Variants in CLASP2 observed in about 807,000 individuals in gnomAD.
The protein encoded by CLASP2 is cytoplasmic linker associated protein 2, also known as CLIP-associating protein 2.
A neutral mutation model predicts 194.4 loss-of-function variants in CLASP2; 47 were observed. That is an observed-to-expected ratio of 0.24 (90% CI 0.19 to 0.31). The LOEUF (loss-of-function observed/expected upper bound fraction) is 0.31. Among genes scored for constraint, CLASP2 ranks in the 10% least tolerant of loss-of-function variants. The probability of loss-of-function intolerance (pLI) is 1.00; values close to 1 mark genes in which losing one functional copy is unlikely to be tolerated. For missense variants in CLASP2, 1,445 were observed against 1,823.6 expected (o/e 0.79, Z 3.78); for synonymous variants, 619 against 633.5 (o/e 0.98, Z 0.34).
intron 9 of CLASP2, among the ~76,000 whole-genome samples, chr3:33,629,710 G>C (rs1481724953): frequency 6.6e-6 from 1 of 151,062 alleles, no homozygotes; most frequent in Non-Finnish European, 1.5e-5. Flanking sequence ...TCAGGACACA[G>C]AGAAAATAAA....
chr3:33,629,175 GACTGT>G (rs2078603001), intron 9 of CLASP2, among the ~76,000 whole-genome samples: 1 of 152,170 alleles, frequency 6.6e-6, no homozygotes, highest in Non-Finnish European at 1.5e-5. Context: ...TGGAAAAGTT[GACTGT>G]GAGGGCCAAA....
chr3:33,558,029 A>G (rs1194134869), intron 29 of CLASP2, among the ~76,000 whole-genome samples: 1 of 152,210 alleles, frequency 6.6e-6, no homozygotes, highest in East Asian at 1.9e-4. Flanking sequence ...ACTAGAAATC[A>G]TCCCCCACTC....
chr3:33,604,182 T>A lies in CLASP2; in HGVS notation c.1722A>T (p.Thr574=). ...LNRPFSSKWS[T]ANPSTVAGRV... ...TTCCAGCCACAGTTGATGGATTTGC[T>A]GTAGACCATTTGGAAGAAAAAGGGC... The change falls in exon 17 of 39, where the codon ACA becomes ACT. Residue 574 remains threonine (T), a synonymous_variant. Coordinates refer to ENST00000682230, the MANE Select transcript of CLASP2 (RefSeq NM_001365631.1). 6.4e-7 allele frequency: 1 copy of A among 1,560,826 alleles called. No homozygotes were observed. The highest frequency in any genetic ancestry group is 8.7e-7 in the Non-Finnish European group (1 of 1,151,328).
intron 21 of CLASP2, among the ~76,000 whole-genome samples, chr3:33,590,609 A>G (rs2068542059): frequency 1.3e-5 from 2 of 152,226 alleles, no homozygotes; most frequent in African/African-American, 4.8e-5. Context: ...TTTCCCATTC[A>G]TAAATAACCC....
chr3:33,552,074 G>A (rs1452980542), intron 29 of CLASP2, among the ~76,000 whole-genome samples: 1 of 150,168 alleles, frequency 6.7e-6, no homozygotes, highest in Non-Finnish European at 1.5e-5. Context: ...CTGAAGAAAA[G>A]ACAACACTTA....
chr3:33,655,342 TATATTCACTTAGATGCCCTTAACACAG>T (rs1218494213), intron 7 of CLASP2, among the ~76,000 whole-genome samples: 12 of 152,152 alleles, frequency 7.9e-5, no homozygotes, highest in African/African-American at 2.9e-4. Flanking sequence ...AAAGGTACAG[TATATTCACTTAGATGCCCTTAACACAG>T]ACCTAAAACA....
At chr3:33,559,249 C>G (rs937390194) in intron 29 of CLASP2, 58 bp downstream of exon 29, 2 of 1,058,734 alleles carry the variant, frequency 1.9e-6, no homozygotes, top group Non-Finnish European at 2.8e-6. Context: ...ATCAACATAA[C>G]TTTATTAATA....
At chr3:33,647,705 A>T (rs2082501447) in intron 7 of CLASP2, among the ~76,000 whole-genome samples, 1 of 152,216 alleles carries the variant, frequency 6.6e-6, no homozygotes, top group Admixed American at 6.5e-5. Context: ...CGCAAGCAAC[A>T]GTTTGCCAAT....
At chr3:33,678,949 C>T (rs1272625069) in intron 6 of CLASP2, among the ~76,000 whole-genome samples, 2 of 152,196 alleles carry the variant, frequency 1.3e-5, no homozygotes, top group East Asian at 1.9e-4. Flanking sequence ...GGCAAAAGAT[C>T]TAGAATAGCT....
intron 6 of CLASP2, among the ~76,000 whole-genome samples, chr3:33,681,936 G>T (rs1042882149): frequency 6.6e-5 from 10 of 152,180 alleles, no homozygotes; most frequent in African/African-American, 1.7e-4. Context: ...AGAGCTGGTA[G>T]TTAAAAAGAG....
chr3:33,610,575 C>T (rs1048507251), intron 13 of CLASP2, among the ~76,000 whole-genome samples: 10 of 148,254 alleles, frequency 6.7e-5, no homozygotes, highest in African/African-American at 2.2e-4. Flanking sequence ...TTACCATTTT[C>T]CTCAATGTAA....
intron 6 of CLASP2, among the ~76,000 whole-genome samples, chr3:33,679,857 G>GC (rs2089490534): frequency 6.6e-6 from 1 of 152,160 alleles, no homozygotes; most frequent in Non-Finnish European, 1.5e-5. Context: ...CTCTTACCAT[G>GC]CAACACAGTG....
intron 12 of CLASP2, among the ~76,000 whole-genome samples, chr3:33,614,670 G>A (rs1448404933): frequency 6.6e-6 from 1 of 152,024 alleles, no homozygotes; most frequent in Non-Finnish European, 1.5e-5. Context: ...TTAAGAAAAC[G>A]GGCTGGGCAT....
At chr3:33,535,094 T>C (rs2057084866) in intron 34 of CLASP2, 139 bp downstream of exon 34, 1 of 624,160 alleles carries the variant, frequency 1.6e-6, no homozygotes, top group South Asian at 2.1e-5. Context: ...GATGAGTTCC[T>C]AGAAGATGGG....
At position 33,675,132 on chromosome 3, in the gene CLASP2, C is replaced by A. The variant is rs1303002440; in HGVS notation, c.644+9227G>T. ...TACCAAAGCCGCGCAGAGACACAAC[C>A]AAAAAAGAGAACTTTAGACCAATAT... On this transcript the variant is annotated intron_variant, in intron 6 of 38. Transcript: ENST00000682230. Among the ~76,000 whole-genome samples the A allele has an allele frequency of 3.9e-5, 6 of 152,056 alleles. No individual in the cohort carries two copies. In the East Asian group the frequency reaches 9.7e-4, roughly 25 times the overall value.
intron 8 of CLASP2, among the ~76,000 whole-genome samples, chr3:33,642,071 G>A (rs187507355): frequency 2.4e-4 from 37 of 152,046 alleles, no homozygotes; most frequent in East Asian, 1.5e-3. Flanking sequence ...ATGCTACAAG[G>A]AGGTAGATTT....
In CLASP2 at chr3:33,496,496, C is replaced by A. The variant is rs1244672394; in HGVS notation, c.*2135G>T. ...AACTGAGATTATAAAATTGTAAACA[C>A]AATTTTTCCATGTTTACATCTACTA... On this transcript the variant is annotated 3_prime_UTR_variant, in exon 39 of 39. Transcript: ENST00000682230. 2 of 152,138 alleles carry A rather than the reference C, an allele frequency of 1.3e-5. No homozygotes were observed. The highest frequency in any genetic ancestry group is 2.9e-5 in the Non-Finnish European group (2 of 68,020). The allele number at this position is 152,138 out of a possible 1,614,324, so 9.4% of individuals were successfully genotyped here. A position where few individuals can be genotyped will look rare whatever the true frequency, so the allele number is the denominator to read the frequency against.
At chr3:33,679,588 C>T (rs1038427054) in intron 6 of CLASP2, among the ~76,000 whole-genome samples, 1 of 152,128 alleles carries the variant, frequency 6.6e-6, no homozygotes, top group Non-Finnish European at 1.5e-5. Context: ...TCTGAACAAA[C>T]ATCTCACCAG....
At chr3:33,508,005 A>T (rs973594684) in intron 37 of CLASP2, among the ~76,000 whole-genome samples, 20 of 150,568 alleles carry the variant, frequency 1.3e-4, no homozygotes, top group South Asian at 2.1e-4. Flanking sequence ...ATATATATAT[A>T]TTTTTTGGAG....
Sources: gnomAD v4.1 joint callset for allele counts (sites outside exome capture counted in the v4.1 genomes callset) on GRCh38, gnomAD v4.1.1 for gene constraint, MANE v1.5 for transcripts, NCBI Gene and HGNC (gene_info 2026-07-23, HGNC 2026-07-21) for gene names.